DNAH2: variants seen among roughly 807,000 people sequenced by gnomAD.
DNAH2 encodes the protein axonemal beta dynein heavy chain 2.
DNAH2 carries 323 observed loss-of-function variants against 523.5 expected under a neutral mutation model. The observed-to-expected ratio is 0.62, with a 90% CI of 0.56 to 0.68. The LOEUF is 0.68. DNAH2 is among the 30% of genes least tolerant of loss of function. DNAH2 has a pLI of 0.00. For synonymous variants in DNAH2, 2,093 were observed against 2,177.4 expected (o/e 0.96, Z 1.08); for missense variants, 4,907 against 5,701.5 (o/e 0.86, Z 4.49).
chr17:7,810,840 G>C (rs566783902), intron 63 of DNAH2, among the ~76,000 whole-genome samples: 2 of 149,948 alleles, frequency 1.3e-5, no homozygotes, highest in South Asian at 4.2e-4. Flanking sequence ...GCTTATGCAT[G>C]GTACTGAGGC....
intron 2 of DNAH2, among the ~76,000 whole-genome samples, chr17:7,723,262 A>ACG: frequency 9.5e-6 from 1 of 105,736 alleles, no homozygotes; most frequent in East Asian, 2.7e-4. Flanking sequence ...GAGCCACTGT[A>ACG]CCCGGCTTTT....
chr17:7,761,542 C>T (rs1450663364), intron 18 of DNAH2, among the ~76,000 whole-genome samples: 2 of 149,034 alleles, frequency 1.3e-5, no homozygotes, highest in Admixed American at 1.3e-4. Context: ...CTCACTCTGT[C>T]ATCCACGCTG....
At chr17:7,729,999 C>T (rs73248540) in intron 4 of DNAH2, among the ~76,000 whole-genome samples, 1,527 of 151,972 alleles carry the variant, frequency 0.01, 22 homozygotes, top group African/African-American at 0.036. Context: ...ATGGTAACTG[C>T]AAGTGCATTA....
Position 7,833,596 on chromosome 17 carries a change from T to G in DNAH2, c.*63T>G. On this transcript the variant is annotated 3_prime_UTR_variant, in exon 86 of 86. Coordinates refer to ENST00000572933, the MANE Select transcript of DNAH2 (RefSeq NM_020877.5). ...GGACTCCAGGAGCTAAGACAGATGT[T>G]GCACCTAGGACTGAGGCCGGACCTC... The G allele has an allele frequency of 1.2e-6, 2 of 1,602,144 alleles. No individual in the cohort carries two copies. Among genetic ancestry groups the G allele is most frequent in the South Asian group, 2.2e-5 (2 of 90,718 alleles).
rs2076942242 is a variant in DNAH2, at chr17:7,793,001, G to C, written c.7365G>C (p.Gln2455His). Residue 2455 changes from glutamine to histidine, a missense_variant, in exon 48 of 86, where the codon CAG (glutamine) becomes CAC (histidine). Gln to His is a conservative substitution (Grantham distance 24). This residue lies in a region of DNAH2 where 2,806 missense variants were observed against 3,190.8 expected (regional missense o/e 0.88). Coordinates refer to ENST00000572933, the MANE Select transcript of DNAH2 (RefSeq NM_020877.5). ...ACCAGACCACATCCAATAACGTGCA[G>C]AGCATCATTGAGAGCAGGGTTGAGA... is the stretch of plus-strand genomic sequence containing the variant. Reference protein sequence around the residue: ...MSAQTTSNNVQSIIESRVEKR... With the variant: ...MSAQTTSNNVHSIIESRVEKR... The C allele has an allele frequency of 6.2e-7, 1 of 1,612,874 alleles. No homozygotes were observed. The highest frequency in any genetic ancestry group is 1.3e-5 in the African/African-American group (1 of 75,018).
rs369170042 is a variant in DNAH2, at chr17:7,734,563, T to C, written c.833T>C (p.Ile278Thr). The change falls in exon 7 of 86, where the codon ATT (isoleucine) becomes ACT (threonine). Residue 278 changes from isoleucine (I) to threonine (T), a missense_variant. Physicochemically the swap from Ile to Thr is moderately conservative, Grantham distance 89. Transcript: ENST00000572933. ...GAAAATTTAGGTCCTCTGGAGGAGA[T>C]TGAGTTCTGGCGCAACCGATGCATG... is the stretch of plus-strand genomic sequence containing the variant. ...TGENLGPLEE[I>T]EFWRNRCMDL... 36 of 1,613,270 alleles carry C rather than the reference T, an allele frequency of 2.2e-5. No individual in the cohort carries two copies. The highest frequency in any genetic ancestry group is 6.7e-5 in the African/African-American group (5 of 74,666).
intron 56 of DNAH2, 96 bp downstream of exon 56, chr17:7,799,338 C>T: frequency 1.3e-6 from 2 of 1,513,212 alleles, no homozygotes; most frequent in Admixed American, 1.8e-5. Context: ...TCAGGAATAA[C>T]AGCAGGCTCC....
Position 7,771,317 on chromosome 17 carries a change from T to C in DNAH2, c.4363-13T>C, listed in dbSNP as rs970883647. 12 of 1,613,944 alleles carry C rather than the reference T, an allele frequency of 7.4e-6. No individual in the cohort carries two copies. The highest frequency in any genetic ancestry group is 1.3e-5 in the African/African-American group (1 of 74,894). ...AAGAAGTGGCCTCTCACCCCAACTT[T>C]TGGCCCCCTCAGAATATCTTCCTAG... On this transcript the variant is annotated splice_polypyrimidine_tract_variant and intron_variant, in intron 27 of 85. Coordinates refer to ENST00000572933, the MANE Select transcript of DNAH2 (RefSeq NM_020877.5).
At position 7,781,149 on chromosome 17, in the gene DNAH2, T is replaced by A; in HGVS notation, c.6111T>A (p.Pro2037=). The change falls in exon 39 of 86, where the codon CCT becomes CCA. Residue 2037 remains proline (P), a synonymous_variant. Transcript: ENST00000572933. ...VQDLFPNIEL[P]VIDYGKLRET... ...ATCTGTTTCCCAACATTGAGCTGCC[T>A]GTCATTGACTATGGCAAGGTATTTG... The A allele has an allele frequency of 6.2e-7, 1 of 1,614,228 alleles. No homozygotes were observed. Among genetic ancestry groups the A allele is most frequent in the Non-Finnish European group, 8.5e-7 (1 of 1,180,036 alleles).
Position 7,793,980 on chromosome 17 carries a change from C to T in DNAH2, c.7570-274C>T, listed in dbSNP as rs184260768. On this transcript the variant is annotated intron_variant, in intron 48 of 85. Coordinates refer to ENST00000572933, the MANE Select transcript of DNAH2 (RefSeq NM_020877.5). Reference sequence around the variant, plus strand: ...AAGACACAAATGTTTTTTTACTTACCTGTATTTTCTCATTTGGGTACATGG... The same window carrying T: ...AAGACACAAATGTTTTTTTACTTACTTGTATTTTCTCATTTGGGTACATGG... Among the ~76,000 whole-genome samples the T allele has an allele frequency of 3.9e-3, 586 of 152,158 alleles. 3 individuals are homozygous for T. Among genetic ancestry groups the T allele is most frequent in the Non-Finnish European group, 7.0e-3 (473 of 67,988 alleles).
Position 7,798,647 on chromosome 17 carries a change from C to T in DNAH2, c.8488C>T (p.Leu2830=), listed in dbSNP as rs764919650. 3.1e-5 allele frequency: 50 copies of T among 1,613,944 alleles called. No individual in the cohort carries two copies. The highest frequency in any genetic ancestry group is 3.2e-5 in the Non-Finnish European group (38 of 1,180,000). ...VDTQIADESF[L]EDINNILSSG... is the part of the protein sequence containing the mutation. ...CACCCAAATAGCTGATGAGTCCTTC[C>T]TAGAGGACATCAACAACATCCTCAG... The change falls in exon 55 of 86, where the codon CTA becomes TTA. Residue 2830 remains leucine (L), a synonymous_variant. Coordinates refer to ENST00000572933, the MANE Select transcript of DNAH2 (RefSeq NM_020877.5). This position sits in a 1 kb window ranked among gnomAD's most constrained non-coding sequence, Gnocchi z 5.5.
chr17:7,795,496 A>G (rs1162769490), intron 49 of DNAH2, among the ~76,000 whole-genome samples: 1 of 151,714 alleles, frequency 6.6e-6, no homozygotes, highest in African/African-American at 2.4e-5. Context: ...AACACGGGGA[A>G]ACCCTGTCTC....
At position 7,807,589 on chromosome 17, in the gene DNAH2, G is replaced by A; in HGVS notation, c.9729+3G>A. 6.2e-7 allele frequency: 1 copy of A among 1,609,616 alleles called. No homozygotes were observed. The highest frequency in any genetic ancestry group is 1.1e-5 in the South Asian group (1 of 91,056). ...AGGCCCAGGAGAAGCTGCGGGAGGT[G>A]AGCTGATCGCCTGTCCTTTCCACGG... On this transcript the variant is annotated splice_donor_region_variant and intron_variant, in intron 63 of 85. Transcript: ENST00000572933. The surrounding 1 kb of genome is among the most constrained non-coding windows in gnomAD (Gnocchi z 5.6).
In DNAH2 at chr17:7,821,406, G is replaced by T. The variant is rs2077850865; in HGVS notation, c.11142+37G>T. On this transcript the variant is annotated intron_variant, in intron 73 of 85. Transcript: ENST00000572933. The surrounding 1 kb of genome is among the most constrained non-coding windows in gnomAD (Gnocchi z 5.0). ...AGAGAGCACATCCCAGGATGGGATGGTCAAGGTTGGGGATGAGGGCAAGTG... is the reference window on the plus strand; with the variant it reads ...AGAGAGCACATCCCAGGATGGGATGTTCAAGGTTGGGGATGAGGGCAAGTG... 6.3e-7 allele frequency: 1 copy of T among 1,597,502 alleles called. No individual in the cohort carries two copies. The highest frequency in any genetic ancestry group is 2.2e-5 in the East Asian group (1 of 44,452).
intron 10 of DNAH2, 111 bp downstream of exon 10, chr17:7,740,660 C>T: frequency 6.5e-7 from 1 of 1,544,400 alleles, no homozygotes; most frequent in Admixed American, 1.9e-5. Context: ...GTCCAGCATT[C>T]GGGCGCCTCT....
At chr17:7,752,171 A>T (rs935726620) in intron 12 of DNAH2, among the ~76,000 whole-genome samples, 77 of 151,228 alleles carry the variant, frequency 5.1e-4, no homozygotes, top group African/African-American at 1.7e-3. Flanking sequence ...ACACACACAC[A>T]CACACACACA....
intron 68 of DNAH2, 64 bp from the exon 69 acceptor site, chr17:7,818,248 G>A (rs2077740458): frequency 5.6e-6 from 9 of 1,602,740 alleles, no homozygotes; most frequent in African/African-American, 1.3e-5. Context: ...GGATGCCGGT[G>A]GGGGATGGGT....
intron 4 of DNAH2, among the ~76,000 whole-genome samples, chr17:7,728,510 G>T (rs1393614908): frequency 6.6e-6 from 1 of 151,950 alleles, no homozygotes; most frequent in Non-Finnish European, 1.5e-5. Context: ...AATGAAAAAA[G>T]ATTTCATTCG....
chr17:7,796,489 G>T lies in DNAH2; in HGVS notation c.7700G>T (p.Gly2567Val). 6.2e-7 allele frequency: 1 copy of T among 1,613,682 alleles called. No individual in the cohort carries two copies. Among genetic ancestry groups the T allele is most frequent in the Non-Finnish European group, 8.5e-7 (1 of 1,179,946 alleles). Residue 2567 changes from glycine (G) to valine (V), a missense_variant, in exon 50 of 86, where the codon GGC becomes GTC. Gly to Val is a moderately radical substitution (Grantham distance 109). This residue lies in a region of DNAH2 where 250 missense variants were observed against 371.3 expected (regional missense o/e 0.67). Transcript: ENST00000572933. Reference sequence around the variant, plus strand: ...AAGTCCCAGATCATCCGCATATTCGGCACCATGATCAATCAGAAGCTTCAG... The same window carrying T: ...AAGTCCCAGATCATCCGCATATTCGTCACCATGATCAATCAGAAGCTTCAG... ...PTKSQIIRIF[G>V]TMINQKLQDF...
Sources: gnomAD v4.1 joint callset for allele counts (sites outside exome capture counted in the v4.1 genomes callset) on GRCh38, gnomAD v4.1.1 for gene constraint, gnomAD v4.1.1 regional missense constraint, Gnocchi (gnomAD v3.1) non-coding constraint, MANE v1.5 for transcripts, NCBI Gene and HGNC (gene_info 2026-07-23, HGNC 2026-07-21) for gene names.